XYLT1: variants seen among roughly 807,000 people sequenced by gnomAD.
XYLT1 encodes beta-D-xylosyltransferase 1.
In XYLT1, 36 loss-of-function variants were observed where a neutral mutation model predicts 91.3. The observed-to-expected ratio is 0.39, with a 90% CI of 0.30 to 0.52. The LOEUF (loss-of-function observed/expected upper bound fraction) is 0.52. XYLT1 is among the 20% of genes least tolerant of loss of function. The pLI, the probability that XYLT1 is intolerant of heterozygous loss-of-function variation, is 0.68. For missense variants in XYLT1, 1,242 were observed against 1,284.5 expected (o/e 0.97, Z 0.51); for synonymous variants, 588 against 532.0 (o/e 1.11, Z -1.45).
At chr16:17,320,360 T>C (rs2034697222) in intron 2 of XYLT1, among the ~76,000 whole-genome samples, 1 of 152,050 alleles carries the variant, frequency 6.6e-6, no homozygotes, top group Admixed American at 6.6e-5. Context: ...TCTAACCCAC[T>C]ATGAAGACCC....
chr16:17,235,263 G>A (rs1256009372), intron 3 of XYLT1, among the ~76,000 whole-genome samples: 1 of 150,928 alleles, frequency 6.6e-6, no homozygotes, highest in Non-Finnish European at 1.5e-5. Flanking sequence ...GAGACGTGTT[G>A]AAAGTGGCCT....
At position 17,195,218 on chromosome 16, in the gene XYLT1, C is replaced by T. The variant is rs182012384; in HGVS notation, c.1289+2994G>A. ...ATGATGCTACGCATCCTGCAATGCACAGGATGGCACCCACAGTAAAGAATT... is the reference window on the plus strand; with the variant it reads ...ATGATGCTACGCATCCTGCAATGCATAGGATGGCACCCACAGTAAAGAATT... On this transcript the variant is annotated intron_variant, in intron 5 of 11. Transcript: ENST00000261381. 3.3e-5 allele frequency among the ~76,000 whole-genome samples: 5 copies of T among 152,282 alleles called. No individual in the cohort carries two copies. The East Asian group carries it at 9.7e-4, about 29-fold the overall frequency.
intron 6 of XYLT1, among the ~76,000 whole-genome samples, chr16:17,150,724 A>G (rs1407430779): frequency 6.6e-6 from 1 of 152,210 alleles, no homozygotes; most frequent in Non-Finnish European, 1.5e-5. Context: ...TCTAATAAGT[A>G]AGTAGACATC....
At chr16:17,440,179 C>T (rs867318541) in intron 1 of XYLT1, among the ~76,000 whole-genome samples, 9 of 152,284 alleles carry the variant, frequency 5.9e-5, no homozygotes, top group Middle Eastern at 3.4e-3. Context: ...CTAACAACTA[C>T]GTAAGTGAAT....
At chr16:17,256,711 A>T (rs1181436397) in intron 3 of XYLT1, among the ~76,000 whole-genome samples, 1 of 151,380 alleles carries the variant, frequency 6.6e-6, no homozygotes, top group Non-Finnish European at 1.5e-5. Flanking sequence ...TTTTTAGTCT[A>T]CTTTTCTGGG....
At chr16:17,213,069 C>T (rs2032791510) in intron 3 of XYLT1, among the ~76,000 whole-genome samples, 1 of 152,172 alleles carries the variant, frequency 6.6e-6, no homozygotes, top group African/African-American at 2.4e-5. Context: ...TGGTAACCCA[C>T]AGTGTTGGAG....
At chr16:17,375,587 T>C (rs1182471522) in intron 1 of XYLT1, among the ~76,000 whole-genome samples, 1 of 152,140 alleles carries the variant, frequency 6.6e-6, no homozygotes, top group African/African-American at 2.4e-5. Context: ...TAGTGGCTGC[T>C]GATTTACAAG....
chr16:17,143,304 C>G (rs2141522939), intron 6 of XYLT1, among the ~76,000 whole-genome samples: 3 of 152,196 alleles, frequency 2.0e-5, no homozygotes, highest in Middle Eastern at 6.9e-3. Flanking sequence ...TTATCAGCAC[C>G]ACTATCACCA....
chr16:17,404,693 C>T (rs558274193), intron 1 of XYLT1, among the ~76,000 whole-genome samples: 4 of 152,182 alleles, frequency 2.6e-5, no homozygotes, highest in African/African-American at 7.2e-5. Flanking sequence ...TCCAACAACT[C>T]GGGAGGCTGA....
At position 17,102,509 on chromosome 16, in the gene XYLT1, A is replaced by G. The variant is rs1169866016; in HGVS notation, c.*6186T>C. Reference sequence around the variant, plus strand: ...CTCCCCTAGACAAAAAAATACAGCTAAGGCACAATTTTGTTGTTGTTGTTG... The same window carrying G: ...CTCCCCTAGACAAAAAAATACAGCTGAGGCACAATTTTGTTGTTGTTGTTG... On this transcript the variant is annotated 3_prime_UTR_variant, in exon 12 of 12. Transcript: ENST00000261381. 6.6e-6 allele frequency: 1 copy of G among 152,624 alleles called. No individual in the cohort carries two copies. The highest frequency in any genetic ancestry group is 2.4e-5 in the African/African-American group (1 of 41,450). 9.5% of individuals were successfully genotyped at this position (152,624 alleles called of 1,614,324 possible).
rs1164475702 is a variant in XYLT1, at chr16:17,361,232, T to C, written c.364-3182A>G. On this transcript the variant is annotated intron_variant, in intron 1 of 11. Coordinates refer to ENST00000261381, the MANE Select transcript of XYLT1 (RefSeq NM_022166.4). ...TTTTTGCCATTGCCACAAGAGATCATGTCCCCAGTACCTTGCTGGTCCAAG... is the reference window on the plus strand; with the variant it reads ...TTTTTGCCATTGCCACAAGAGATCACGTCCCCAGTACCTTGCTGGTCCAAG... Among the ~76,000 whole-genome samples the C allele has an allele frequency of 4.6e-5, 7 of 152,282 alleles. No homozygotes were observed. The East Asian group carries it at 5.8e-4, about 13-fold the overall frequency.
intron 1 of XYLT1, among the ~76,000 whole-genome samples, chr16:17,450,971 G>A (rs1212886186): frequency 6.6e-6 from 1 of 152,224 alleles, no homozygotes; most frequent in African/African-American, 2.4e-5. Context: ...GCAGGGGCAG[G>A]TGGGGAATCG....
Position 17,250,058 on chromosome 16 carries a change from T to C in XYLT1, c.913+8930A>G, listed in dbSNP as rs549404908. On this transcript the variant is annotated intron_variant, in intron 3 of 11. Transcript: ENST00000261381. ...TCTTCAAATAAATCATAGAGTCATATCCAGACATTAGATTGCAGATGTGGC... is the reference window on the plus strand; with the variant it reads ...TCTTCAAATAAATCATAGAGTCATACCCAGACATTAGATTGCAGATGTGGC... 3.3e-5 allele frequency: 5 copies of C among 152,348 alleles called. No individual in the cohort carries two copies. In the East Asian group the frequency reaches 5.8e-4, roughly 18 times the overall value. 9.4% of individuals were successfully genotyped at this position (152,348 alleles called of 1,614,324 possible). A position where few individuals can be genotyped will look rare whatever the true frequency, so the allele number is the denominator to read the frequency against.
At position 17,198,706 on chromosome 16, in the gene XYLT1, A is replaced by G. The variant is rs113675006; in HGVS notation, c.1087-292T>C. ...GTGGTGCCTGGGACTTCACATTTTTAAAATTTTATCTTATTTTATTTTATT... is the reference window on the plus strand; with the variant it reads ...GTGGTGCCTGGGACTTCACATTTTTGAAATTTTATCTTATTTTATTTTATT... On this transcript the variant is annotated intron_variant, in intron 4 of 11. Coordinates refer to ENST00000261381, the MANE Select transcript of XYLT1 (RefSeq NM_022166.4). Among the ~76,000 whole-genome samples the G allele has an allele frequency of 0.027, 4,122 of 152,180 alleles. 94 individuals are homozygous for G. The highest frequency in any genetic ancestry group is 0.051 in the Middle Eastern group (15 of 294).
At chr16:17,435,517 G>C (rs910208752) in intron 1 of XYLT1, among the ~76,000 whole-genome samples, 1 of 152,154 alleles carries the variant, frequency 6.6e-6, no homozygotes, top group Non-Finnish European at 1.5e-5. Context: ...GGCCCTTTGG[G>C]CTATTTCAGG....
intron 1 of XYLT1, among the ~76,000 whole-genome samples, chr16:17,417,860 G>T (rs2036199754): frequency 6.6e-6 from 1 of 152,158 alleles, no homozygotes; most frequent in African/African-American, 2.4e-5. Flanking sequence ...TTACTCTGGG[G>T]AAACTCCCTC....
intron 2 of XYLT1, among the ~76,000 whole-genome samples, chr16:17,288,552 C>T (rs1215293934): frequency 6.6e-6 from 1 of 152,148 alleles, no homozygotes; most frequent in Non-Finnish European, 1.5e-5. Context: ...TGCCCTGCTG[C>T]TTCTCCCAAG....
intron 1 of XYLT1, among the ~76,000 whole-genome samples, chr16:17,460,776 C>T (rs2036809613): frequency 1.3e-5 from 2 of 152,204 alleles, no homozygotes; most frequent in African/African-American, 4.8e-5. Flanking sequence ...TGTCTCACGG[C>T]ATATCCTAAT....
chr16:17,137,255 C>CCTGA, intron 8 of XYLT1, among the ~76,000 whole-genome samples: 1 of 152,268 alleles, frequency 6.6e-6, no homozygotes. Flanking sequence ...CGTTTCCTTA[C>CCTGA]CTGAACAATA....
Sources: gnomAD v4.1 joint callset for allele counts (sites outside exome capture counted in the v4.1 genomes callset) on GRCh38, gnomAD v4.1.1 for gene constraint, MANE v1.5 for transcripts, NCBI Gene and HGNC (gene_info 2026-07-23, HGNC 2026-07-21) for gene names.